Variants in SYT10 observed in about 807,000 individuals in gnomAD.
The protein encoded by SYT10 is synaptotagmin 10.
Under a neutral mutation model 51.1 loss-of-function variants are expected in SYT10, and 31 were observed. The observed-to-expected ratio is 0.61, with a 90% confidence interval of 0.46 to 0.82. The LOEUF is 0.82. Among genes scored for constraint, SYT10 ranks in the 40% least tolerant of loss-of-function variants. The pLI, the probability that SYT10 is intolerant of heterozygous loss-of-function variation, is 0.00. For missense variants in SYT10, 603 were observed against 634.0 expected (o/e 0.95, Z 0.53); for synonymous variants, 233 against 225.9 (o/e 1.03, Z -0.28).
intron 3 of SYT10, among the ~76,000 whole-genome samples, chr12:33,400,032 C>T (rs1230309621): frequency 1.3e-5 from 2 of 152,126 alleles, no homozygotes; most frequent in African/African-American, 4.8e-5. Context: ...ACTGTTACAC[C>T]CCAGGAGACC....
At chr12:33,439,265 A>C in intron 1 of SYT10, 107 bp downstream of exon 1, 1 of 1,424,528 alleles carries the variant, frequency 7.0e-7, no homozygotes, top group Non-Finnish European at 9.4e-7. Context: ...GTGGCGCCCC[A>C]AATATGCCGC....
At chr12:33,388,750 G>A (rs1230717848) in intron 3 of SYT10, among the ~76,000 whole-genome samples, 1 of 152,146 alleles carries the variant, frequency 6.6e-6, no homozygotes, top group Non-Finnish European at 1.5e-5. Flanking sequence ...GAATGTAGCT[G>A]GGTAGATAAA....
At position 33,439,504 on chromosome 12, in the gene SYT10, C is replaced by A; in HGVS notation, c.19G>T (p.Asp7Tyr). The change falls in exon 1 of 7, where the codon GAC (aspartate) becomes TAC (tyrosine). Residue 7 changes from aspartate (D) to tyrosine (Y), a missense_variant. Coordinates refer to ENST00000228567, the MANE Select transcript of SYT10 (RefSeq NM_198992.4). Reference sequence around the variant, plus strand: ...TTCTGGCACAGACTGTTCACTCCGTCCTCCTTGTGGAAACTCATCGTTTGG... The same window carrying A: ...TTCTGGCACAGACTGTTCACTCCGTACTCCTTGTGGAAACTCATCGTTTGG... MSFHKE[D>Y]GVNSLCQKAL... The A allele has an allele frequency of 6.2e-7, 1 of 1,612,958 alleles. No individual in the cohort carries two copies.
In SYT10 at chr12:33,385,120, AAT is replaced by A. The variant is rs753552321; in HGVS notation, c.1198+49_1198+50del. On this transcript the variant is annotated intron_variant, in intron 4 of 6. Coordinates refer to ENST00000228567, the MANE Select transcript of SYT10 (RefSeq NM_198992.4). ...TCATGTATCATTTTTAGATACATGA[AAT>A]ATTTCATTTGAGATTGTGCCCTTGG... is the stretch of plus-strand genomic sequence containing the variant. 1.2e-5 allele frequency: 19 copies of A among 1,595,110 alleles called. No homozygotes were observed. In the South Asian group the frequency reaches 2.1e-4, roughly 18 times the overall value.
In SYT10 at chr12:33,376,353, T is replaced by C. The variant is rs9888363; in HGVS notation, c.*477A>G. 0.72 allele frequency: 109,448 copies of C among 152,798 alleles called. 40,836 individuals carry two copies. Among genetic ancestry groups the C allele is most frequent in the East Asian group, 0.95 (4,907 of 5,170 alleles). The allele number at this position is 152,798 out of a possible 1,614,324, so 9.5% of individuals were successfully genotyped here. A position where few individuals can be genotyped will look rare whatever the true frequency, so the allele number is the denominator to read the frequency against. On this transcript the variant is annotated 3_prime_UTR_variant, in exon 7 of 7. Transcript: ENST00000228567. ...CAGATAAGTAACATTAATTTGATTGTGCAAGGATTTAATGTTGTGTAAGTT... is the reference window on the plus strand; with the variant it reads ...CAGATAAGTAACATTAATTTGATTGCGCAAGGATTTAATGTTGTGTAAGTT...
intron 3 of SYT10, among the ~76,000 whole-genome samples, chr12:33,396,066 G>A (rs1226153502): frequency 6.6e-6 from 1 of 152,022 alleles, no homozygotes; most frequent in Non-Finnish European, 1.5e-5. Context: ...GATTAAACTT[G>A]GACTCTTTAC....
chr12:33,386,615 CTG>C (rs1429117679), intron 3 of SYT10, among the ~76,000 whole-genome samples: 1 of 152,150 alleles, frequency 6.6e-6, no homozygotes, highest in East Asian at 1.9e-4. Context: ...CATTCTGAGA[CTG>C]TACATCCTTC....
At chr12:33,385,574 C>T (rs1264138691) in intron 3 of SYT10, among the ~76,000 whole-genome samples, 2 of 152,326 alleles carry the variant, frequency 1.3e-5, no homozygotes, top group Admixed American at 6.5e-5. Flanking sequence ...ACTGATTCTT[C>T]TGTCAGTGTT....
intron 6 of SYT10, 28 bp downstream of exon 6, chr12:33,379,804 A>G: frequency 1.2e-6 from 2 of 1,612,378 alleles, no homozygotes; most frequent in Non-Finnish European, 1.7e-6. Flanking sequence ...CAACAAAAAG[A>G]GCAGACGTAA....
chr12:33,381,716 G>A (rs1019477621), intron 5 of SYT10, among the ~76,000 whole-genome samples: 4 of 152,074 alleles, frequency 2.6e-5, no homozygotes, highest in Admixed American at 6.6e-5. Flanking sequence ...AGCTGCAGTG[G>A]GAAGGATCTT....
intron 1 of SYT10, among the ~76,000 whole-genome samples, chr12:33,433,039 G>C (rs968241245): frequency 1.3e-4 from 19 of 151,996 alleles, no homozygotes; most frequent in African/African-American, 4.1e-4. Context: ...TAGCTTCAGT[G>C]ACTACTTAGG....
intron 3 of SYT10, among the ~76,000 whole-genome samples, chr12:33,402,123 C>T (rs1337077535): frequency 1.3e-5 from 2 of 152,136 alleles, no homozygotes; most frequent in East Asian, 3.9e-4. Flanking sequence ...CACTCTGATC[C>T]ATTGTACACG....
At chr12:33,406,504 T>G (rs973903820) in intron 3 of SYT10, among the ~76,000 whole-genome samples, 7 of 152,178 alleles carry the variant, frequency 4.6e-5, no homozygotes, top group African/African-American at 1.7e-4. Flanking sequence ...GTGCTGCAGA[T>G]AGGATATTTA....
At chr12:33,422,597 T>C (rs1174632684) in intron 2 of SYT10, among the ~76,000 whole-genome samples, 1 of 152,092 alleles carries the variant, frequency 6.6e-6, no homozygotes, top group African/African-American at 2.4e-5. Context: ...TCCTTCACTT[T>C]ACTCTATTTT....
intron 2 of SYT10, among the ~76,000 whole-genome samples, chr12:33,425,220 C>A (rs1300437842): frequency 6.6e-6 from 1 of 152,046 alleles, no homozygotes; most frequent in Non-Finnish European, 1.5e-5. Flanking sequence ...ATTAGGAAGT[C>A]AATCAGTTTG....
chr12:33,384,187 T>C (rs1866139088), intron 4 of SYT10, among the ~76,000 whole-genome samples: 1 of 152,188 alleles, frequency 6.6e-6, no homozygotes, highest in African/African-American at 2.4e-5. Context: ...TCAGTATTTT[T>C]AATACAGATA....
chr12:33,379,714 T>G (rs1022656070), intron 6 of SYT10, 118 bp downstream of exon 6: 4 of 1,350,258 alleles, frequency 3.0e-6, no homozygotes, highest in Non-Finnish European at 4.0e-6. Flanking sequence ...AGAACAATCT[T>G]TTCTATTTTT....
chr12:33,378,086 G>C (rs1490231043), intron 6 of SYT10, among the ~76,000 whole-genome samples: 6 of 152,184 alleles, frequency 3.9e-5, no homozygotes, highest in African/African-American at 1.4e-4. Context: ...CTAGTTCTTA[G>C]GTCCCTAGTC....
chr12:33,381,645 C>T (rs1866116369), intron 5 of SYT10, among the ~76,000 whole-genome samples: 1 of 151,972 alleles, frequency 6.6e-6, no homozygotes, highest in African/African-American at 2.4e-5. Context: ...GTTGGTGGGA[C>T]ATGATACACA....
Sources: allele counts gnomAD v4.1 joint callset (sites outside exome capture counted in the v4.1 genomes callset), GRCh38; gene constraint gnomAD v4.1.1; transcripts MANE v1.5; gene names NCBI Gene and HGNC (gene_info 2026-07-23, HGNC 2026-07-21).